KCNJ1: variants seen among roughly 807,000 people sequenced by gnomAD.
KCNJ1 encodes the protein potassium inwardly rectifying channel subfamily J member 1.
Under a neutral mutation model 21.9 loss-of-function variants are expected in KCNJ1, and 24 were observed. The ratio of observed to expected loss-of-function variants is 1.10; its 90% confidence interval spans 0.79 to 1.54. The LOEUF (loss-of-function observed/expected upper bound fraction) is 1.54. Ranked by LOEUF, KCNJ1 falls within the 40% of genes most tolerant of loss-of-function variation. The probability of loss-of-function intolerance (pLI) is 0.00; values close to 1 mark genes in which losing one functional copy is unlikely to be tolerated. For synonymous variants in KCNJ1, 152 were observed against 160.9 expected, an observed-to-expected ratio of 0.94 and a Z score of 0.42; for missense variants, 457 against 455.4, an observed-to-expected ratio of 1.00 and a Z score of -0.03.
intron 1 of KCNJ1, among the ~76,000 whole-genome samples, chr11:128,860,945 T>C (rs1304528004): frequency 1.3e-5 from 2 of 152,168 alleles, no homozygotes; most frequent in Non-Finnish European, 2.9e-5. Context: ...AAAAACACTC[T>C]ATGCACCATG....
intron 2 of KCNJ1, among the ~76,000 whole-genome samples, chr11:128,841,497 C>T (rs942804179): frequency 7.2e-5 from 11 of 152,126 alleles, no homozygotes; most frequent in Non-Finnish European, 8.8e-5. Flanking sequence ...AAGTCATAAA[C>T]GCTAGATTAC....
At position 128,850,868 on chromosome 11, in the gene KCNJ1, T is replaced by A. The variant is rs942007694; in HGVS notation, c.-169A>T. 9 of 985,354 alleles carry A rather than the reference T, an allele frequency of 9.1e-6. No individual in the cohort carries two copies. The South Asian group carries it at 4.2e-4, about 46-fold the overall frequency. The allele number at this position is 985,354 out of a possible 1,614,324, so 61.0% of individuals were successfully genotyped here. On this transcript the variant is annotated 5_prime_UTR_variant, in exon 2 of 3. Transcript: ENST00000392666. ...TCTTTGTCAGGGCCCAGGATGGGGA[T>A]GAAGGCACAGTAGAGAAGAAACCTG...
chr11:128,860,753 C>G lies in KCNJ1; in HGVS notation c.-192+6420G>C, dbSNP rs573646782. Among the ~76,000 whole-genome samples the G allele has an allele frequency of 5.3e-5, 8 of 152,266 alleles. No individual in the cohort carries two copies. In the East Asian group the frequency reaches 1.4e-3, roughly 26 times the overall value. ...GGAAGCTGCTCAGAAAAGTGGAGGC[C>G]AGGTGGCTCTGAAACCCAGGTGTGA... On this transcript the variant is annotated intron_variant, in intron 1 of 2. Transcript: ENST00000392666.
Position 128,840,057 on chromosome 11 carries a change from T to A in KCNJ1, c.187A>T (p.Thr63Ser), listed in dbSNP as rs2135940824. ...VLDLKWRYKM[T>S]IFITAFLGSW... ...CCCAAGAAGGCTGTGATGAAAATGG[T>A]CATTTTGTATCTCCACTTGAGGTCA... The change falls in exon 3 of 3, where the codon ACC (threonine) becomes TCC (serine). Residue 63 changes from threonine to serine, a missense_variant. Physicochemically the swap from Thr to Ser is moderately conservative, Grantham distance 58. Coordinates refer to ENST00000392666, the MANE Select transcript of KCNJ1 (RefSeq NM_153766.3). The A allele has an allele frequency of 6.2e-7, 1 of 1,614,166 alleles. No homozygotes were observed. Among genetic ancestry groups the A allele is most frequent in the Non-Finnish European group, 8.5e-7 (1 of 1,180,006 alleles).
At position 128,852,219 on chromosome 11, in the gene KCNJ1, G is replaced by A. The variant is rs552231613; in HGVS notation, c.-191-1329C>T. 2.3e-4 allele frequency among the ~76,000 whole-genome samples: 35 copies of A among 152,254 alleles called. No homozygotes were observed. The South Asian group carries it at 7.0e-3, about 31-fold the overall frequency. ...CTGTTAATACCTTGAGTCATACTACGTGCAACTCCAGTTTCTCCTTCAAGC... is the reference window on the plus strand; with the variant it reads ...CTGTTAATACCTTGAGTCATACTACATGCAACTCCAGTTTCTCCTTCAAGC... On this transcript the variant is annotated intron_variant, in intron 1 of 2. Transcript: ENST00000392666.
intron 2 of KCNJ1, among the ~76,000 whole-genome samples, chr11:128,850,472 T>G (rs1035572540): frequency 6.6e-6 from 1 of 152,090 alleles, no homozygotes; most frequent in African/African-American, 2.4e-5. Context: ...GTCAAGGAAA[T>G]AAACAGATAT....
chr11:128,839,808 T>C lies in KCNJ1; in HGVS notation c.436A>G (p.Ile146Val). The stretch of plus-strand genomic sequence containing the variant: ...AAAGAATTGATTATAACTCCAAGTA[T>C]AGACTGAAAGATAAGCAGAAAAATG... ...TAIFLLIFQS[I>V]LGVIINSFMC... The change falls in exon 3 of 3, where the codon ATA becomes GTA. Residue 146 changes from isoleucine to valine, a missense_variant. Transcript: ENST00000392666. The C allele has an allele frequency of 6.2e-7, 1 of 1,614,100 alleles. No individual in the cohort carries two copies. The highest frequency in any genetic ancestry group is 8.5e-7 in the Non-Finnish European group (1 of 1,179,988).
At chr11:128,854,247 C>T (rs1409504690) in intron 1 of KCNJ1, among the ~76,000 whole-genome samples, 3 of 152,170 alleles carry the variant, frequency 2.0e-5, no homozygotes, top group Non-Finnish European at 2.9e-5. Flanking sequence ...CCTGGGAGCT[C>T]GGTTTCTTTT....
At chr11:128,847,076 A>G (rs190819405) in intron 2 of KCNJ1, among the ~76,000 whole-genome samples, 3,845 of 152,152 alleles carry the variant, frequency 0.025, 184 homozygotes, top group African/African-American at 0.085. Flanking sequence ...CTTCTCACCT[A>G]GATAATAAGA....
At chr11:128,857,846 G>A (rs1591419072) in intron 1 of KCNJ1, among the ~76,000 whole-genome samples, 1 of 152,162 alleles carries the variant, frequency 6.6e-6, no homozygotes, top group Non-Finnish European at 1.5e-5. Flanking sequence ...TCTACAGTGA[G>A]TAATAGCACA....
intron 2 of KCNJ1, among the ~76,000 whole-genome samples, chr11:128,847,995 G>A (rs1413282967): frequency 6.6e-6 from 1 of 151,318 alleles, no homozygotes; most frequent in Non-Finnish European, 1.5e-5. Flanking sequence ...CAGCCTCAAA[G>A]TACCTGAGAC....
At chr11:128,841,652 A>G (rs1943283419) in intron 2 of KCNJ1, among the ~76,000 whole-genome samples, 1 of 152,194 alleles carries the variant, frequency 6.6e-6, no homozygotes, top group African/African-American at 2.4e-5. Context: ...AGAACTAGGA[A>G]GCGAAACCAA....
chr11:128,856,229 G>C (rs560024107), intron 1 of KCNJ1, among the ~76,000 whole-genome samples: 1 of 134,666 alleles, frequency 7.4e-6, no homozygotes, highest in African/African-American at 2.7e-5. Flanking sequence ...GAGAGAAAAA[G>C]ATTGCCCATG....
rs962284139 is a variant in KCNJ1, at chr11:128,839,144, G to A, written c.1100C>T (p.Thr367Ile). Residue 367 changes from threonine to isoleucine, a missense_variant, in exon 3 of 3, where the codon ACA becomes ATA. Physicochemically the swap from Thr to Ile is moderately conservative, Grantham distance 89. Coordinates refer to ENST00000392666, the MANE Select transcript of KCNJ1 (RefSeq NM_153766.3). ...PNFILSEVNE[T>I]DDTKM ...CCACTGTTACATTTTGGTGTCATCT[G>A]TTTCATTGACTTCTGACAAGATGAA... The A allele has an allele frequency of 6.2e-7, 1 of 1,613,862 alleles. No homozygotes were observed. The highest frequency in any genetic ancestry group is 8.5e-7 in the Non-Finnish European group (1 of 1,179,980).
Position 128,839,506 on chromosome 11 carries a change from T to C in KCNJ1, c.738A>G (p.Pro246=), listed in dbSNP as rs759429212. The change falls in exon 3 of 3, where the codon CCA becomes CCG. Residue 246 remains proline, a synonymous_variant. Coordinates refer to ENST00000392666, the MANE Select transcript of KCNJ1 (RefSeq NM_153766.3). ...GATCAATGACATGGTAAATTGTCAA[T>C]GGGGAGATGAAGAATAAATTTTCAT... ...AGNENLFFIS[P]LTIYHVIDHN... The C allele has an allele frequency of 2.5e-6, 4 of 1,614,218 alleles. No homozygotes were observed. The South Asian group carries it at 4.4e-5, about 18-fold the overall frequency.
rs535538908 is a variant in KCNJ1, at chr11:128,843,480, T to C, written c.-21-3216A>G. The stretch of plus-strand genomic sequence containing the variant: ...TTCTTTAGTGCCTCAGCATTCTTGT[T>C]CTATAAACAATCCATTCTCAGAAAA... On this transcript the variant is annotated intron_variant, in intron 2 of 2. Coordinates refer to ENST00000392666, the MANE Select transcript of KCNJ1 (RefSeq NM_153766.3). Among the ~76,000 whole-genome samples the C allele has an allele frequency of 3.3e-5, 5 of 152,344 alleles. No homozygotes were observed. In the South Asian group the frequency reaches 1.0e-3, roughly 32 times the overall value.
At chr11:128,864,422 A>G (rs1444273818) in intron 1 of KCNJ1, among the ~76,000 whole-genome samples, 3 of 151,892 alleles carry the variant, frequency 2.0e-5, no homozygotes, top group Non-Finnish European at 2.9e-5. Flanking sequence ...ATGTCTCTAC[A>G]CTAATTTTTT....
intron 1 of KCNJ1, among the ~76,000 whole-genome samples, chr11:128,860,090 G>A (rs1198863533): frequency 6.9e-6 from 1 of 145,800 alleles, no homozygotes; most frequent in African/African-American, 2.5e-5. Context: ...AAGGGCGCCC[G>A]GAAGGACACC....
In KCNJ1 at chr11:128,840,399, A is replaced by G. The variant is rs1295575878; in HGVS notation, c.-21-135T>C. ...GTTACTAATCATTTGGCAAGCTGAC[A>G]AGTTTATTCTGGATACCACAATGCT... is the stretch of plus-strand genomic sequence containing the variant. On this transcript the variant is annotated intron_variant, in intron 2 of 2. Transcript: ENST00000392666. 8.3e-6 allele frequency: 7 copies of G among 843,848 alleles called. No homozygotes were observed. In the African/African-American group the frequency reaches 1.2e-4, roughly 14 times the overall value. 52.3% of individuals were successfully genotyped at this position (843,848 alleles called of 1,614,324 possible).
Sources: gnomAD v4.1 joint callset for allele counts (sites outside exome capture counted in the v4.1 genomes callset) on GRCh38, gnomAD v4.1.1 for gene constraint, MANE v1.5 for transcripts, NCBI Gene and HGNC (gene_info 2026-07-23, HGNC 2026-07-21) for gene names.